Variants in NLGN1 observed in about 807,000 individuals in gnomAD.
NLGN1 encodes neuroligin-1.
NLGN1 carries 12 observed loss-of-function variants against 65.5 expected under a neutral mutation model. The ratio of observed to expected loss-of-function variants is 0.18; its 90% confidence interval spans 0.12 to 0.30. NLGN1 has a LOEUF of 0.30. Among genes scored for constraint, NLGN1 ranks in the 10% least tolerant of loss-of-function variants. NLGN1 has a pLI of 1.00. For synonymous variants in NLGN1, 350 were observed against 359.5 expected (o/e 0.97, Z 0.30); for missense variants, 750 against 1,007.1 (o/e 0.74, Z 3.46).
intron 3 of NLGN1, among the ~76,000 whole-genome samples, chr3:173,672,765 T>G (rs1230500173): frequency 6.6e-6 from 1 of 152,224 alleles, no homozygotes; most frequent in Non-Finnish European, 1.5e-5. Flanking sequence ...AATTTTATTC[T>G]CAAGTTGAAG....
intron 4 of NLGN1, among the ~76,000 whole-genome samples, chr3:174,138,466 G>A (rs1420080475): frequency 1.5e-5 from 2 of 134,290 alleles, no homozygotes; most frequent in Non-Finnish European, 3.1e-5. Flanking sequence ...ACAGAATGTC[G>A]CTCCGTCGCC....
rs185971757 is a variant in NLGN1 at position 173,513,684 on chromosome 3, A to G, written c.-321+78606A>G. Among the ~76,000 whole-genome samples, 20 of 152,314 alleles carry G rather than the reference A, an allele frequency of 1.3e-4. No individual in the cohort carries two copies. The East Asian group carries it at 3.9e-3, about 29-fold the overall frequency. ...AATATGTTCTCATTTTTTGATGAAT[A>G]AAATAGATATGTTCTCACTGTTTGG... On this transcript the variant is annotated intron_variant, in intron 2 of 6. Transcript: ENST00000457714.
At chr3:173,858,422 T>C (rs537665606) in intron 4 of NLGN1, among the ~76,000 whole-genome samples, 1 of 152,136 alleles carries the variant, frequency 6.6e-6, no homozygotes, top group African/African-American at 2.4e-5. Context: ...TGAAAAACAG[T>C]TACCTTCTGT....
Position 173,995,200 on chromosome 3 carries a change from G to C in NLGN1, c.646+187368G>C, listed in dbSNP as rs1722009429. On this transcript the variant is annotated intron_variant, in intron 4 of 6. Coordinates refer to ENST00000457714, the Ensembl canonical transcript of NLGN1. ...ATTATTCAGGTGTCTTGAAACCTAA[G>C]AGCCAAAATTCAATTGTTCCAAAGG... is the stretch of plus-strand genomic sequence containing the variant. 2.0e-5 allele frequency among the ~76,000 whole-genome samples: 3 copies of C among 152,278 alleles called. No individual in the cohort carries two copies. The South Asian group carries it at 6.2e-4, about 32-fold the overall frequency.
intron 4 of NLGN1, among the ~76,000 whole-genome samples, chr3:173,905,925 A>G (rs1409550736): frequency 6.6e-6 from 1 of 152,190 alleles, no homozygotes; most frequent in Non-Finnish European, 1.5e-5. Flanking sequence ...GTATACTAGG[A>G]GATTGAGGTC....
At chr3:173,910,241 G>A (rs748059880) in intron 4 of NLGN1, among the ~76,000 whole-genome samples, 3 of 152,272 alleles carry the variant, frequency 2.0e-5, no homozygotes, top group Non-Finnish European at 4.4e-5. Context: ...CATCAGAACT[G>A]GGATGGGGCT....
chr3:174,102,290 TC>T (rs796269526), intron 4 of NLGN1, among the ~76,000 whole-genome samples: 2 of 152,266 alleles, frequency 1.3e-5, no homozygotes, highest in Admixed American at 6.6e-5. Flanking sequence ...TCATTTTTTT[TC>T]CTTTGCTTTT....
intron 2 of NLGN1, among the ~76,000 whole-genome samples, chr3:173,508,002 C>T (rs951047458): frequency 5.3e-5 from 8 of 152,094 alleles, no homozygotes; most frequent in Admixed American, 3.3e-4. Flanking sequence ...TATCAGGTAC[C>T]TAATAAATGT....
chr3:173,873,319 C>G (rs772519423), intron 4 of NLGN1, among the ~76,000 whole-genome samples: 5 of 152,092 alleles, frequency 3.3e-5, no homozygotes, highest in African/African-American at 1.2e-4. Context: ...AACTTCCTGA[C>G]CTGAAGTGAT....
intron 2 of NLGN1, among the ~76,000 whole-genome samples, chr3:173,512,503 G>C (rs936418875): frequency 7.9e-5 from 12 of 152,146 alleles, no homozygotes; most frequent in African/African-American, 2.9e-4. Context: ...GCTTCTTCCC[G>C]ATGTCCAGCT....
intron 4 of NLGN1, among the ~76,000 whole-genome samples, chr3:173,848,605 A>C (rs527993722): frequency 6.6e-6 from 1 of 152,316 alleles, no homozygotes; most frequent in East Asian, 1.9e-4. Flanking sequence ...CAACAATGTA[A>C]TGCCATTTTC....
At chr3:174,099,718 G>C (rs1406616505) in intron 4 of NLGN1, among the ~76,000 whole-genome samples, 1 of 151,972 alleles carries the variant, frequency 6.6e-6, no homozygotes, top group African/African-American at 2.4e-5. Context: ...CAAAGGGAAG[G>C]CTTAATTAAC....
At chr3:173,859,247 C>G (rs1013507423) in intron 4 of NLGN1, among the ~76,000 whole-genome samples, 1 of 152,042 alleles carries the variant, frequency 6.6e-6, no homozygotes, top group Non-Finnish European at 1.5e-5. Flanking sequence ...CTTTTAATAA[C>G]TAACTATGAA....
chr3:173,880,556 CAATAT>C (rs898148902), intron 4 of NLGN1, among the ~76,000 whole-genome samples: 14 of 150,874 alleles, frequency 9.3e-5, no homozygotes, highest in Non-Finnish European at 2.1e-4. Context: ...ATTAGGTGTA[CAATAT>C]AAGTATGTTT....
At chr3:173,449,645 C>T (rs1439942096) in intron 2 of NLGN1, among the ~76,000 whole-genome samples, 2 of 152,072 alleles carry the variant, frequency 1.3e-5, no homozygotes, top group South Asian at 2.1e-4. Flanking sequence ...GTTGATCTGT[C>T]TAATGTTGAC....
intron 4 of NLGN1, among the ~76,000 whole-genome samples, chr3:174,115,500 T>C (rs1370475399): frequency 2.0e-5 from 3 of 152,178 alleles, no homozygotes; most frequent in Non-Finnish European, 4.4e-5. Flanking sequence ...TACACAGATA[T>C]ATAAAACCAC....
chr3:174,095,424 T>G (rs1163362241), intron 4 of NLGN1, among the ~76,000 whole-genome samples: 1 of 151,784 alleles, frequency 6.6e-6, no homozygotes, highest in Non-Finnish European at 1.5e-5. Context: ...TAAATTAGAT[T>G]GTACACATGA....
chr3:174,042,968 C>G (rs1002842580), intron 4 of NLGN1, among the ~76,000 whole-genome samples: 6 of 152,148 alleles, frequency 3.9e-5, no homozygotes, highest in Non-Finnish European at 8.8e-5. Context: ...ACTCACAGTT[C>G]TGCATAGCTG....
chr3:174,266,856 A>C (rs1748349378), intron 4 of NLGN1, among the ~76,000 whole-genome samples: 1 of 152,038 alleles, frequency 6.6e-6, no homozygotes, highest in Non-Finnish European at 1.5e-5. Flanking sequence ...TTTTTCTTTT[A>C]ATTCTTCTTG....
Sources: allele counts gnomAD v4.1 joint callset (sites outside exome capture counted in the v4.1 genomes callset), GRCh38; gene constraint gnomAD v4.1.1; transcripts MANE v1.5; gene names NCBI Gene and HGNC (gene_info 2026-07-23, HGNC 2026-07-21).